AMBRA1: variants seen among roughly 807,000 people sequenced by gnomAD.
The protein encoded by AMBRA1 is activating molecule in BECN1-regulated autophagy protein 1.
Under a neutral mutation model 125.4 loss-of-function variants are expected in AMBRA1, and 47 were observed. The observed-to-expected ratio is 0.37, with a 90% CI of 0.30 to 0.48. The LOEUF is 0.48. AMBRA1 is among the 20% of genes least tolerant of loss of function. The pLI is 0.99. For missense variants in AMBRA1, 1,331 were observed against 1,693.4 expected (o/e 0.79, Z 3.76); for synonymous variants, 626 against 655.5 (o/e 0.95, Z 0.69).
At chr11:46,448,052 G>C (rs1243662503) in intron 11 of AMBRA1, among the ~76,000 whole-genome samples, 8 of 152,194 alleles carry the variant, frequency 5.3e-5, no homozygotes, top group Non-Finnish European at 1.2e-4. Context: ...CTTATAGAGA[G>C]ATGTCCTTGT....
chr11:46,534,301 C>T (rs543747360), intron 7 of AMBRA1, among the ~76,000 whole-genome samples: 20 of 151,370 alleles, frequency 1.3e-4, no homozygotes, highest in Non-Finnish European at 2.7e-4. Flanking sequence ...AAGACCAGTC[C>T]GGCCAACATG....
intron 12 of AMBRA1, among the ~76,000 whole-genome samples, chr11:46,437,440 G>A (rs965123126): frequency 1.3e-5 from 2 of 152,178 alleles, no homozygotes; most frequent in African/African-American, 2.4e-5. Flanking sequence ...CAGCTTCTCC[G>A]GTAGCATATT....
Position 46,593,919 on chromosome 11 carries a change from C to A in AMBRA1, c.-212G>T. On this transcript the variant is annotated 5_prime_UTR_variant, in exon 1 of 18. Transcript: ENST00000683756. The stretch of plus-strand genomic sequence containing the variant: ...AGGAGACAGGAATAAAGGAAGGGGT[C>A]CGTTCTACCGACCGGCAGGAGAAGG... The A allele has an allele frequency of 2.5e-6, 1 of 398,598 alleles. No individual in the cohort carries two copies. The highest frequency in any genetic ancestry group is 1.3e-4 in the South Asian group (1 of 7,796). The allele number at this position is 398,598 out of a possible 1,614,324, so 24.7% of individuals were successfully genotyped here.
At chr11:46,437,694 A>G (rs923297538) in intron 12 of AMBRA1, among the ~76,000 whole-genome samples, 4 of 152,228 alleles carry the variant, frequency 2.6e-5, no homozygotes, top group Non-Finnish European at 5.9e-5. Context: ...TGATGAGTTA[A>G]TTCATACAGG....
rs770019488 is a variant in AMBRA1 at position 46,397,471 on chromosome 11, C to T, written c.3876G>A (p.Arg1292=). The change falls in exon 18 of 18, where the codon AGG becomes AGA. Residue 1292 remains arginine, a synonymous_variant. Transcript: ENST00000683756. The stretch of plus-strand genomic sequence containing the variant: ...GTCTCTACCTGTTCCGTGGTTCTCC[C>T]CTAGGGCCTGCAGCGTCCCCCCTGC... ...GSSRGDAAGP[R]GEPRNR is the part of the protein sequence containing the mutation. 5.6e-5 allele frequency: 85 copies of T among 1,516,722 alleles called. 2 individuals carry two copies. In the South Asian group the frequency reaches 1.1e-3, roughly 20 times the overall value. 94.0% of individuals were successfully genotyped at this position (1,516,722 alleles called of 1,614,324 possible).
chr11:46,476,337 T>G (rs561942662), intron 11 of AMBRA1, among the ~76,000 whole-genome samples: 8 of 152,298 alleles, frequency 5.3e-5, no homozygotes, highest in African/African-American at 1.9e-4. Context: ...TGACTTGTCT[T>G]GAAGCTGCCG....
chr11:46,547,054 G>A (rs867508722), intron 4 of AMBRA1, 59 bp downstream of exon 4: 67 of 1,491,038 alleles, frequency 4.5e-5, no homozygotes, highest in Middle Eastern at 2.1e-4. Flanking sequence ...GCGAGACTCC[G>A]TCTCAAAAAA....
chr11:46,414,014 C>T (rs1436605916), intron 15 of AMBRA1, among the ~76,000 whole-genome samples: 1 of 152,114 alleles, frequency 6.6e-6, no homozygotes, highest in African/African-American at 2.4e-5. Flanking sequence ...CACCTGGCTT[C>T]CTCCACAGCA....
chr11:46,583,000 T>C (rs1028218071), intron 1 of AMBRA1, among the ~76,000 whole-genome samples: 1 of 150,828 alleles, frequency 6.6e-6, no homozygotes, highest in South Asian at 2.1e-4. Flanking sequence ...ACTGAAGGAA[T>C]ACACATGCAA....
At chr11:46,498,161 G>T (rs1194056857) in intron 9 of AMBRA1, among the ~76,000 whole-genome samples, 1 of 152,150 alleles carries the variant, frequency 6.6e-6, no homozygotes, top group African/African-American at 2.4e-5. Context: ...TGAGAGAAAG[G>T]CAGACCCAGA....
rs540686348 is a variant in AMBRA1, at chr11:46,469,596, A to G, written c.2521+24012T>C. Among the ~76,000 whole-genome samples, 135 of 152,338 alleles carry G rather than the reference A, an allele frequency of 8.9e-4. 1 individual carries two copies. In the South Asian group the frequency reaches 0.017, roughly 19 times the overall value. ...ACAATGAAAATACTATAAACTAGGC[A>G]CAATTTAAATATGTTATCTTCAGAG... is the stretch of plus-strand genomic sequence containing the variant. On this transcript the variant is annotated intron_variant, in intron 11 of 17. Transcript: ENST00000683756.
intron 7 of AMBRA1, among the ~76,000 whole-genome samples, chr11:46,513,927 A>G (rs1320435731): frequency 6.6e-6 from 1 of 151,008 alleles, no homozygotes; most frequent in South Asian, 2.1e-4. Context: ...CAGAACACGT[A>G]TAATAAACAC....
chr11:46,463,546 T>C (rs1949191263), intron 11 of AMBRA1, among the ~76,000 whole-genome samples: 1 of 152,194 alleles, frequency 6.6e-6, no homozygotes, highest in Admixed American at 6.5e-5. Flanking sequence ...CTCCGAATCC[T>C]TGCACTTAAC....
chr11:46,399,552 A>G (rs1945620761), intron 17 of AMBRA1, among the ~76,000 whole-genome samples: 1 of 151,930 alleles, frequency 6.6e-6, no homozygotes, highest in Admixed American at 6.6e-5. Flanking sequence ...TTTAGTAGAG[A>G]TGGGGTTCCA....
At chr11:46,403,286 G>C (rs971480267) in intron 17 of AMBRA1, among the ~76,000 whole-genome samples, 5 of 152,196 alleles carry the variant, frequency 3.3e-5, no homozygotes, top group African/African-American at 1.2e-4. Flanking sequence ...CTGACCTCTG[G>C]GAGTACTGGT....
At chr11:46,563,883 A>T (rs977867199) in intron 1 of AMBRA1, among the ~76,000 whole-genome samples, 1 of 149,408 alleles carries the variant, frequency 6.7e-6, no homozygotes, top group Non-Finnish European at 1.5e-5. Context: ...GGTGGCTCAC[A>T]TCTGTAATCT....
chr11:46,430,350 C>T (rs534701209), intron 14 of AMBRA1, among the ~76,000 whole-genome samples: 20 of 152,332 alleles, frequency 1.3e-4, no homozygotes, highest in Admixed American at 3.9e-4. Context: ...GAGACTGACT[C>T]TGCCTTGCTG....
At chr11:46,414,059 C>T (rs1590739405) in intron 15 of AMBRA1, among the ~76,000 whole-genome samples, 1 of 152,192 alleles carries the variant, frequency 6.6e-6, no homozygotes, top group Non-Finnish European at 1.5e-5. Flanking sequence ...GGCTCAACAA[C>T]TTCCCCATGC....
chr11:46,472,714 A>G (rs542319354), intron 11 of AMBRA1, among the ~76,000 whole-genome samples: 3 of 152,336 alleles, frequency 2.0e-5, no homozygotes, highest in African/African-American at 7.2e-5. Context: ...GACTCAGAGA[A>G]CAGTAAAGTC....
Sources: allele counts gnomAD v4.1 joint callset (sites outside exome capture counted in the v4.1 genomes callset), GRCh38; gene constraint gnomAD v4.1.1; transcripts MANE v1.5; gene names NCBI Gene and HGNC (gene_info 2026-07-23, HGNC 2026-07-21).